The following ADGRF5 variants were observed in gnomAD, a reference collection of about 807,000 sequenced individuals.
ADGRF5 encodes the protein G-protein coupled receptor 116.
ADGRF5 carries 75 observed loss-of-function variants against 132.3 expected under a neutral mutation model. That is an observed-to-expected ratio of 0.57 (90% CI 0.47 to 0.69). The LOEUF is 0.69. ADGRF5 is among the 30% of genes least tolerant of loss of function. The probability of loss-of-function intolerance (pLI) is 0.00; values close to 1 mark genes in which losing one functional copy is unlikely to be tolerated. For missense variants in ADGRF5, 1,516 were observed against 1,630.6 expected, an observed-to-expected ratio of 0.93 and a Z score of 1.21; for synonymous variants, 629 against 597.6, an observed-to-expected ratio of 1.05 and a Z score of -0.77.
chr6:46,941,396 G>A (rs972954287), intron 1 of ADGRF5, among the ~76,000 whole-genome samples: 1 of 17,858 alleles, frequency 5.6e-5, no homozygotes, highest in African/African-American at 2.6e-4. Context: ...ACAAAGAAAA[G>A]AAAAGAAAAG....
rs1769378393 is a variant in ADGRF5 at position 46,858,899 on chromosome 6, G to A, written c.3004C>T (p.Pro1002Ser). 1.9e-6 allele frequency: 3 copies of A among 1,614,074 alleles called. No individual in the cohort carries two copies. The highest frequency in any genetic ancestry group is 2.5e-6 in the Non-Finnish European group (3 of 1,179,976). Residue 1002 changes from proline (P) to serine (S), a missense_variant, in exon 17 of 21, where the codon CCA (proline) becomes TCA (serine). Physicochemically the swap from Pro to Ser is moderately conservative, Grantham distance 74. Around this residue, in one of 2 missense-constraint regions of ADGRF5, gnomAD observed 571 missense variants for 701.2 expected, o/e 0.81. Transcript: ENST00000283296. ...SFSILMSPDS[P>S]DPSSLLGILL... The stretch of plus-strand genomic sequence containing the variant: ...ATTCCCAGGAGAGAACTAGGATCTG[G>A]GGAGTCAGGGGACATGAGGATGGAG...
In ADGRF5 at chr6:46,853,039, G is replaced by A. The variant is rs548150342; in HGVS notation, c.*953C>T. 1 of 152,614 alleles carries A rather than the reference G, an allele frequency of 6.6e-6. No homozygotes were observed. The highest frequency in any genetic ancestry group is 2.1e-4 in the South Asian group (1 of 4,822). 9.5% of individuals were successfully genotyped at this position (152,614 alleles called of 1,614,324 possible). A position where few individuals can be genotyped will look rare whatever the true frequency, so the allele number is the denominator to read the frequency against. ...TCTTCAGTGCAACATATCAAATTTG[G>A]CAATTGAAGGGTATATCAAATATAT... On this transcript the variant is annotated 3_prime_UTR_variant, in exon 21 of 21. Coordinates refer to ENST00000283296, the MANE Select transcript of ADGRF5 (RefSeq NM_001098518.2).
intron 2 of ADGRF5, among the ~76,000 whole-genome samples, chr6:46,904,362 G>A (rs539467784): frequency 4.1e-4 from 63 of 152,326 alleles, no homozygotes; most frequent in Middle Eastern, 3.4e-3. Flanking sequence ...ATATTATTCG[G>A]CCTTAAAAAG....
At chr6:46,889,710 C>T (rs1773447232) in intron 3 of ADGRF5, among the ~76,000 whole-genome samples, 1 of 145,424 alleles carries the variant, frequency 6.9e-6, no homozygotes, top group African/African-American at 2.5e-5. Context: ...CTAGTCTAGT[C>T]TATATATATA....
At chr6:46,909,971 C>T (rs1024371967) in intron 1 of ADGRF5, among the ~76,000 whole-genome samples, 2 of 151,768 alleles carry the variant, frequency 1.3e-5, no homozygotes, top group East Asian at 1.9e-4. Flanking sequence ...TTTCACCATT[C>T]TAGTCCAACC....
Position 46,915,709 on chromosome 6 carries a change from G to GA in ADGRF5, c.-25+6003dup, listed in dbSNP as rs373637972. Among the ~76,000 whole-genome samples the GA allele has an allele frequency of 6.9e-4, 102 of 148,586 alleles. 2 individuals are homozygous for GA. Among genetic ancestry groups the GA allele is most frequent in the African/African-American group, 1.5e-3 (61 of 40,470 alleles). On this transcript the variant is annotated intron_variant, in intron 1 of 20. Transcript: ENST00000283296. ...ATATAATGTGTGTGCTATTCAGAATGAAAAAAAAAATATTACTTTATCCCC... is the reference window on the plus strand; with the variant it reads ...ATATAATGTGTGTGCTATTCAGAATGAAAAAAAAAAATATTACTTTATCCCC...
rs5875989 is a variant in ADGRF5 at position 46,889,186 on chromosome 6, C to CATAT, written c.158-685_158-682dup. ...ATGTATATGTGTGTGTATGTGTATA[C>CATAT]ATATATATATATATATATAAAATAT... is the stretch of plus-strand genomic sequence containing the variant. On this transcript the variant is annotated intron_variant, in intron 3 of 20. Coordinates refer to ENST00000283296, the MANE Select transcript of ADGRF5 (RefSeq NM_001098518.2). Among the ~76,000 whole-genome samples, 134 of 143,074 alleles carry CATAT rather than the reference C, an allele frequency of 9.4e-4. 1 individual carries two copies. Among genetic ancestry groups the CATAT allele is most frequent in the African/African-American group, 3.3e-3 (130 of 39,318 alleles). The allele number at this position is 143,074 out of a possible 152,430, so 93.9% of individuals were successfully genotyped here.
chr6:46,930,316 A>C (rs1280217316), intron 1 of ADGRF5, among the ~76,000 whole-genome samples: 1 of 152,212 alleles, frequency 6.6e-6, no homozygotes, highest in Admixed American at 6.5e-5. Flanking sequence ...TCTGTACCTC[A>C]TTCCTAAAAT....
intron 1 of ADGRF5, among the ~76,000 whole-genome samples, chr6:46,942,290 A>G (rs1778119962): frequency 6.6e-6 from 1 of 152,202 alleles, no homozygotes; most frequent in Admixed American, 6.5e-5. Context: ...GACCTCATTT[A>G]TCTACTGTTT....
In ADGRF5 at chr6:46,857,847, A is replaced by G. The variant is rs1384639189; in HGVS notation, c.3774+282T>C. Among the ~76,000 whole-genome samples the G allele has an allele frequency of 2.6e-5, 4 of 152,232 alleles. No homozygotes were observed. In the East Asian group the frequency reaches 7.7e-4, roughly 29 times the overall value. On this transcript the variant is annotated intron_variant, in intron 17 of 20. Coordinates refer to ENST00000283296, the MANE Select transcript of ADGRF5 (RefSeq NM_001098518.2). Reference sequence around the variant, plus strand: ...TAATAGACTACATCAAGATAATCTTAGACAAATGGGGATTTTCCTTTTACT... The same window carrying G: ...TAATAGACTACATCAAGATAATCTTGGACAAATGGGGATTTTCCTTTTACT...
Position 46,861,136 on chromosome 6 carries a change from A to G in ADGRF5, c.2200-242T>C, listed in dbSNP as rs555105057. Among the ~76,000 whole-genome samples, 9 of 152,354 alleles carry G rather than the reference A, an allele frequency of 5.9e-5. No individual in the cohort carries two copies. In the South Asian group the frequency reaches 1.9e-3, roughly 32 times the overall value. On this transcript the variant is annotated intron_variant, in intron 15 of 20. Transcript: ENST00000283296. ...CAAATGTATGTCAACCTGATAGCTA[A>G]TTGGAACAAAAAAGGGAAGCTAGAT...
intron 11 of ADGRF5, among the ~76,000 whole-genome samples, 158 bp downstream of exon 11, chr6:46,871,685 A>G (rs959856339): frequency 6.6e-6 from 1 of 152,092 alleles, no homozygotes; most frequent in Admixed American, 6.5e-5. Flanking sequence ...GCAGAGAGAG[A>G]AATCCTTTTC....
chr6:46,917,458 C>A (rs75072869), intron 1 of ADGRF5, among the ~76,000 whole-genome samples: 7 of 152,116 alleles, frequency 4.6e-5, no homozygotes, highest in Non-Finnish European at 8.8e-5. Context: ...CCTCTATTTG[C>A]TAGCTTTTTG....
At chr6:46,948,634 C>G (rs1778386924) in intron 1 of ADGRF5, among the ~76,000 whole-genome samples, 1 of 152,172 alleles carries the variant, frequency 6.6e-6, no homozygotes, top group Non-Finnish European at 1.5e-5. Flanking sequence ...GCATCGCTGT[C>G]TCAGGTCTAG....
At chr6:46,903,106 G>A (rs1774939882) in intron 2 of ADGRF5, among the ~76,000 whole-genome samples, 2 of 152,164 alleles carry the variant, frequency 1.3e-5, no homozygotes, top group African/African-American at 4.8e-5. Flanking sequence ...GCTCACTGGG[G>A]ACCAGCCTTA....
chr6:46,909,303 G>A (rs1775700251), intron 1 of ADGRF5, among the ~76,000 whole-genome samples: 1 of 152,166 alleles, frequency 6.6e-6, no homozygotes, highest in African/African-American at 2.4e-5. Flanking sequence ...CAGAGGCAGA[G>A]AAAGAAAGAA....
rs1018924135 is a variant in ADGRF5 at position 46,862,766 on chromosome 6, A to G, written c.2199+122T>C. 4 of 523,214 alleles carry G rather than the reference A, an allele frequency of 7.6e-6. No individual in the cohort carries two copies. In the South Asian group the frequency reaches 8.6e-5, roughly 11 times the overall value. 32.4% of individuals were successfully genotyped at this position (523,214 alleles called of 1,614,324 possible). A position where few individuals can be genotyped will look rare whatever the true frequency, so the allele number is the denominator to read the frequency against. On this transcript the variant is annotated intron_variant, in intron 15 of 20. Transcript: ENST00000283296. The stretch of plus-strand genomic sequence containing the variant: ...GTTGCATCTCCTTTGGAAATACACA[A>G]ATAAAAGTAGTTTTGGAGCAACACA...
intron 8 of ADGRF5, among the ~76,000 whole-genome samples, chr6:46,880,845 C>A (rs1057456975): frequency 6.6e-6 from 1 of 152,018 alleles, no homozygotes; most frequent in African/African-American, 2.4e-5. Flanking sequence ...AATCCCAACA[C>A]TTTGGGAGGC....
Position 46,867,049 on chromosome 6 carries a change from G to A in ADGRF5, c.1710C>T (p.Asn570=), listed in dbSNP as rs1273872860. ...VIVHPLPLKL[N]IMVDPLEATV... ...TAGCTTCCAAAGGATCAACCATGATGTTCAGCTTTAGAGGCAGCGGGTGAA... is the reference window on the plus strand; with the variant it reads ...TAGCTTCCAAAGGATCAACCATGATATTCAGCTTTAGAGGCAGCGGGTGAA... Residue 570 remains asparagine, a synonymous_variant, in exon 13 of 21, where the codon AAC becomes AAT. Coordinates refer to ENST00000283296, the MANE Select transcript of ADGRF5 (RefSeq NM_001098518.2). 6.2e-7 allele frequency: 1 copy of A among 1,613,484 alleles called. No individual in the cohort carries two copies. The highest frequency in any genetic ancestry group is 8.5e-7 in the Non-Finnish European group (1 of 1,179,418).
Sources: allele counts gnomAD v4.1 joint callset (sites outside exome capture counted in the v4.1 genomes callset), GRCh38; gene constraint gnomAD v4.1.1; regional missense constraint gnomAD v4.1.1; transcripts MANE v1.5; gene names NCBI Gene and HGNC (gene_info 2026-07-23, HGNC 2026-07-21).